The following NOP14 variants were observed in gnomAD, a reference collection of about 807,000 sequenced individuals.
NOP14 encodes the protein NOP14 nucleolar protein.
A neutral mutation model predicts 101.6 loss-of-function variants in NOP14; 57 were observed. The ratio of observed to expected loss-of-function variants is 0.56; its 90% CI spans 0.45 to 0.70. NOP14 has a LOEUF of 0.70. NOP14 is among the 30% of genes least tolerant of loss of function. The pLI is 0.00. For missense variants in NOP14, 1,134 were observed against 1,075.5 expected, an observed-to-expected ratio of 1.05 and a Z score of -0.76; for synonymous variants, 428 against 424.0, an observed-to-expected ratio of 1.01 and a Z score of -0.12.
chr4:2,959,670 T>C (rs1715598740), intron 1 of NOP14, among the ~76,000 whole-genome samples: 1 of 151,950 alleles, frequency 6.6e-6, no homozygotes, highest in Admixed American at 6.6e-5. Flanking sequence ...AGACAGCGAG[T>C]GTCCCCAGAT....
At chr4:2,958,078 T>G (rs958264570) in intron 1 of NOP14, among the ~76,000 whole-genome samples, 1 of 152,140 alleles carries the variant, frequency 6.6e-6, no homozygotes, top group African/African-American at 2.4e-5. Flanking sequence ...CGTGCACATT[T>G]GGAAAAGTGG....
chr4:2,960,092 C>T (rs1715625892), intron 1 of NOP14, among the ~76,000 whole-genome samples: 1 of 152,162 alleles, frequency 6.6e-6, no homozygotes, highest in Non-Finnish European at 1.5e-5. Flanking sequence ...GCCTCAGCCT[C>T]CCCAGTAGCT....
At chr4:2,952,030 C>T (rs919591750) in intron 6 of NOP14, among the ~76,000 whole-genome samples, 1 of 151,690 alleles carries the variant, frequency 6.6e-6, no homozygotes, top group Non-Finnish European at 1.5e-5. Context: ...TCACTTGAAC[C>T]CAGGAGGTGG....
In NOP14 at chr4:2,938,859, G is replaced by A. The variant is rs776645538; in HGVS notation, c.2546C>T (p.Ala849Val). Residue 849 changes from alanine to valine, a missense_variant, in exon 18 of 18, where the codon GCT (alanine) becomes GTT (valine). Transcript: ENST00000416614. ...SLATQEGEWK[A>V]LKRKKFKK is the part of the protein sequence containing the mutation. The stretch of plus-strand genomic sequence containing the variant: ...TTTTTTGAACTTTTTCCTCTTCAGA[G>A]CCTTCCATTCGCCTTCCTGTGTAGC... 6 of 1,613,964 alleles carry A rather than the reference G, an allele frequency of 3.7e-6. No homozygotes were observed. The highest frequency in any genetic ancestry group is 3.3e-4 in the Middle Eastern group (2 of 6,062).
chr4:2,953,594 C>T lies in NOP14; in HGVS notation c.664G>A (p.Asp222Asn). ...GTCTGAATTTCTTTCCAGTCTTGGTCTAGCTTCTCCGTGAGCTCGAGGGCA... is the reference window on the plus strand; with the variant it reads ...GTCTGAATTTCTTTCCAGTCTTGGTTTAGCTTCTCCGTGAGCTCGAGGGCA... ...EDALELTEKL[D>N]QDWKEIQTLL... is the part of the protein sequence containing the mutation. The change falls in exon 5 of 18, where the codon GAC (aspartate) becomes AAC (asparagine). Residue 222 changes from aspartate to asparagine, a missense_variant. Coordinates refer to ENST00000416614, the MANE Select transcript of NOP14 (RefSeq NM_001291978.2). The T allele has an allele frequency of 6.2e-7, 1 of 1,614,140 alleles. No individual in the cohort carries two copies. The highest frequency in any genetic ancestry group is 2.2e-5 in the East Asian group (1 of 44,882).
Position 2,960,693 on chromosome 4 carries a change from TCACA to T in NOP14, c.195+2428_195+2431del, listed in dbSNP as rs1448212336. ...TATTAATATTATATTAATATTATAA[TCACA>T]TTAATATTAATATATTAATATTATA... On this transcript the variant is annotated intron_variant, in intron 1 of 17. Coordinates refer to ENST00000416614, the MANE Select transcript of NOP14 (RefSeq NM_001291978.2). 6.7e-3 allele frequency among the ~76,000 whole-genome samples: 930 copies of T among 137,852 alleles called. 96 individuals are homozygous for T. The highest frequency in any genetic ancestry group is 0.022 in the African/African-American group (784 of 35,472). The allele number at this position is 137,852 out of a possible 152,430, so 90.4% of individuals were successfully genotyped here.
intron 1 of NOP14, among the ~76,000 whole-genome samples, chr4:2,962,143 A>C (rs571292900): frequency 6.6e-6 from 1 of 152,366 alleles, no homozygotes; most frequent in African/African-American, 2.4e-5. Context: ...TCTATGTGCT[A>C]TCTTACTTAA....
In NOP14 at chr4:2,946,522, A is replaced by T; in HGVS notation, c.1525T>A (p.Phe509Ile). The T allele has an allele frequency of 1.2e-6, 2 of 1,614,220 alleles. No individual in the cohort carries two copies. Among genetic ancestry groups the T allele is most frequent in the Non-Finnish European group, 1.7e-6 (2 of 1,180,008 alleles). ...ATAGCGTCACTTGCAGATTCAGGAA[A>T]CATCTGGCAAAGATGATATAAGTGC... ...VVHLYHLCQM[F>I]PESASDAIKF... Residue 509 changes from phenylalanine (F) to isoleucine (I), a missense_variant, in exon 11 of 18, where the codon TTT becomes ATT. By Grantham distance (21) the Phe-to-Ile change is conservative. Coordinates refer to ENST00000416614, the MANE Select transcript of NOP14 (RefSeq NM_001291978.2).
At chr4:2,958,724 C>T (rs1312299413) in intron 1 of NOP14, among the ~76,000 whole-genome samples, 1 of 152,146 alleles carries the variant, frequency 6.6e-6, no homozygotes, top group East Asian at 1.9e-4. Flanking sequence ...CAGGAGGGAG[C>T]GTGTGGTGAC....
At chr4:2,941,302 CT>C in intron 15 of NOP14, 1 of 427,522 alleles carries the variant, frequency 2.3e-6, no homozygotes, top group East Asian at 4.6e-5. Context: ...GGGCTGACCC[CT>C]GGGCGCTGGT....
rs1051189979 is a variant in NOP14, at chr4:2,957,674, A to T, written c.262T>A (p.Phe88Ile). 6.2e-7 allele frequency: 1 copy of T among 1,613,948 alleles called. No homozygotes were observed. The highest frequency in any genetic ancestry group is 1.3e-5 in the African/African-American group (1 of 74,906). Residue 88 changes from phenylalanine to isoleucine, a missense_variant, in exon 2 of 18, where the codon TTC (phenylalanine) becomes ATC (isoleucine). Physicochemically the swap from Phe to Ile is conservative, Grantham distance 21. Coordinates refer to ENST00000416614, the MANE Select transcript of NOP14 (RefSeq NM_001291978.2). Reference sequence around the variant, plus strand: ...CTCATGTTGCTGTTGTATTCTCCGAAGCGTTTATCTCTGAATACATTGGAT... The same window carrying T: ...CTCATGTTGCTGTTGTATTCTCCGATGCGTTTATCTCTGAATACATTGGAT... ...DKSNVFRDKR[F>I]GEYNSNMSPE...
Position 2,948,343 on chromosome 4 carries a change from C to G in NOP14, c.1348G>C (p.Val450Leu). Residue 450 changes from valine (V) to leucine (L), a missense_variant, in exon 9 of 18, where the codon GTG (valine) becomes CTG (leucine). Val to Leu is a conservative substitution (Grantham distance 32). Transcript: ENST00000416614. ...TTGCACTTCTGAATTCTCTCCACCACCAAAAGCTGCTCTTCCATCGATCTT... is the reference window on the plus strand; with the variant it reads ...TTGCACTTCTGAATTCTCTCCACCAGCAAAAGCTGCTCTTCCATCGATCTT... Reference protein sequence around the residue: ...LGRSMEEQLLVVERIQKCNHP... With the variant: ...LGRSMEEQLLLVERIQKCNHP... 6.2e-7 allele frequency: 1 copy of G among 1,612,196 alleles called. No homozygotes were observed. Among genetic ancestry groups the G allele is most frequent in the South Asian group, 1.1e-5 (1 of 90,844 alleles).
intron 16 of NOP14, 62 bp downstream of exon 16, chr4:2,939,465 C>T: frequency 3.8e-6 from 6 of 1,595,058 alleles, no homozygotes; most frequent in Non-Finnish European, 5.2e-6. Flanking sequence ...GGCAGACGCC[C>T]CCCGTCAGCT....
intron 3 of NOP14, among the ~76,000 whole-genome samples, chr4:2,956,455 A>G (rs937725150): frequency 6.6e-6 from 1 of 152,164 alleles, no homozygotes; most frequent in African/African-American, 2.4e-5. Context: ...CCATAAAAGC[A>G]TCTATCTACA....
intron 5 of NOP14, 37 bp downstream of exon 5, chr4:2,953,474 A>C: frequency 6.2e-7 from 1 of 1,610,270 alleles, no homozygotes; most frequent in Non-Finnish European, 8.5e-7. Flanking sequence ...ACCCAAGCTC[A>C]GTGAGTGAAG....
At position 2,956,697 on chromosome 4, in the gene NOP14, C is replaced by T. The variant is rs149998901; in HGVS notation, c.445G>A (p.Asp149Asn). ...KHNDIVDSDS[D>N]AEDRGTLSAE... is the part of the protein sequence containing the mutation. ...GACAACGTTCCTCGATCCTCAGCAT[C>T]GCTGTCACTGTCCACAATGTCATTA... The change falls in exon 3 of 18, where the codon GAT becomes AAT. Residue 149 changes from aspartate (D) to asparagine (N), a missense_variant. Asp to Asn is a conservative substitution (Grantham distance 23). Transcript: ENST00000416614. 61 of 1,613,074 alleles carry T rather than the reference C, an allele frequency of 3.8e-5. No individual in the cohort carries two copies. The highest frequency in any genetic ancestry group is 9.3e-5 in the African/African-American group (7 of 74,872).
Position 2,938,229 on chromosome 4 carries a change from C to G in NOP14, c.*602G>C. On this transcript the variant is annotated 3_prime_UTR_variant, in exon 18 of 18. Transcript: ENST00000416614. ...ACACCAACATTATAGCATTATTACT[C>G]TAAAAAAAATTACTTTTTTGGCTGG... 7.0e-6 allele frequency: 9 copies of G among 1,289,014 alleles called. No individual in the cohort carries two copies. The highest frequency in any genetic ancestry group is 9.1e-6 in the Non-Finnish European group (9 of 988,600). 79.8% of individuals were successfully genotyped at this position (1,289,014 alleles called of 1,614,324 possible).
intron 5 of NOP14, among the ~76,000 whole-genome samples, chr4:2,953,106 T>C (rs1715137138): frequency 6.6e-6 from 1 of 152,324 alleles, no homozygotes; most frequent in Admixed American, 6.5e-5. Flanking sequence ...CTTAAACAAA[T>C]GCAGCATTTT....
chr4:2,956,163 T>C (rs116307376), intron 3 of NOP14, among the ~76,000 whole-genome samples: 240 of 152,376 alleles, frequency 1.6e-3, no homozygotes, highest in African/African-American at 5.5e-3. Context: ...TATCTACAGA[T>C]ATGAGGCTCA....
Sources: gnomAD v4.1 joint callset for allele counts (sites outside exome capture counted in the v4.1 genomes callset) on GRCh38, gnomAD v4.1.1 for gene constraint, MANE v1.5 for transcripts, NCBI Gene and HGNC (gene_info 2026-07-23, HGNC 2026-07-21) for gene names.